Variants in ZNG1A observed in about 807,000 individuals in gnomAD.
ZNG1A encodes Zn regulated GTPase metalloprotein activator 1A.
the ZNG1A span, chr9:177,594 C>T: frequency 6.6e-7 from 1 of 1,518,394 alleles, no homozygotes; most frequent in Non-Finnish European, 8.9e-7. Flanking sequence ...GCCAAAAGAA[C>T]AGCGTTTCAA....
the ZNG1A span, among the ~76,000 whole-genome samples, chr9:127,878 G>A: frequency 6.6e-6 from 1 of 152,230 alleles, no homozygotes; most frequent in Non-Finnish European, 1.5e-5. Flanking sequence ...TAGCATTCTT[G>A]CACTGGTGGC....
At chr9:165,429 C>T in the ZNG1A span, among the ~76,000 whole-genome samples, 1 of 141,896 alleles carries the variant, frequency 7.0e-6, no homozygotes, top group Non-Finnish European at 1.5e-5. Flanking sequence ...TGGTATTTAT[C>T]TTTGATATAA....
At chr9:176,694 G>A in the ZNG1A span, among the ~76,000 whole-genome samples, 2 of 152,050 alleles carry the variant, frequency 1.3e-5, no homozygotes. Context: ...TTAGGGCAAT[G>A]AGGAAAATCT....
At chr9:150,337 A>G in the ZNG1A span, 1 of 699,962 alleles carries the variant, frequency 1.4e-6, no homozygotes, top group Non-Finnish European at 1.8e-6. Context: ...AGTGTTAGCC[A>G]GGATGGTCTC....
chr9:159,511 A>G, the ZNG1A span, among the ~76,000 whole-genome samples: 5 of 152,212 alleles, frequency 3.3e-5, no homozygotes, highest in East Asian at 9.6e-4. Flanking sequence ...AATGTAATTC[A>G]CACATTGTAT....
chr9:130,028 AAAT>A, the ZNG1A span, among the ~76,000 whole-genome samples: 3,462 of 151,246 alleles, frequency 0.023, 294 homozygotes, highest in African/African-American at 0.076. Context: ...CAGTGTATGG[AAAT>A]AATAACGCAA....
At chr9:176,117 C>A in the ZNG1A span, among the ~76,000 whole-genome samples, 1 of 144,414 alleles carries the variant, frequency 6.9e-6, no homozygotes, top group Non-Finnish European at 1.5e-5. Flanking sequence ...TTCAGGCTGA[C>A]TATATGGCTA....
At chr9:150,116 G>GTTTTTTTTTTTTTTTT in the ZNG1A span, 3 of 101,388 alleles carry the variant, frequency 3.0e-5, 1 homozygote, top group Non-Finnish European at 1.9e-5. Context: ...CAAATCTCCG[G>GTTTTTTTTTTTTTTTT]TTTTGTTTTT....
the ZNG1A span, chr9:153,628 C>T: frequency 6.6e-6 from 1 of 152,002 alleles, no homozygotes; most frequent in African/African-American, 2.4e-5. Flanking sequence ...CTACCCTCCA[C>T]GTGGAGACAT....
chr9:151,428 C>T, the ZNG1A span: 1 of 949,272 alleles, frequency 1.1e-6, no homozygotes, highest in Non-Finnish European at 1.2e-6. Flanking sequence ...GCTGCTGAGC[C>T]TTTCTCACCA....
chr9:144,418 C>G, the ZNG1A span, among the ~76,000 whole-genome samples: 603 of 150,876 alleles, frequency 4.0e-3, 12 homozygotes, highest in African/African-American at 0.014. Flanking sequence ...TGATCTTTGA[C>G]AAACCTGAGA....
chr9:160,518 G>C, the ZNG1A span, among the ~76,000 whole-genome samples: 2 of 151,606 alleles, frequency 1.3e-5, no homozygotes, highest in African/African-American at 4.9e-5. Context: ...TAGGTATATT[G>C]ATTTAATAAT....
chr9:178,582 G>A, the ZNG1A span, among the ~76,000 whole-genome samples: 2 of 110,110 alleles, frequency 1.8e-5, no homozygotes, highest in African/African-American at 5.5e-5. Context: ...TTGCTTCAAA[G>A]GCTAACTTTC....
the ZNG1A span, chr9:159,978 C>A: frequency 2.5e-6 from 1 of 407,570 alleles, no homozygotes. Context: ...ACAGACGAAC[C>A]AAGAAGAAAC....
the ZNG1A span, among the ~76,000 whole-genome samples, chr9:135,224 TA>T: frequency 6.6e-6 from 1 of 150,896 alleles, no homozygotes; most frequent in Non-Finnish European, 1.5e-5. Flanking sequence ...AAAATTTCTT[TA>T]AAAAAAACCA....
At chr9:142,690 A>T in the ZNG1A span, among the ~76,000 whole-genome samples, 27,926 of 124,712 alleles carry the variant, frequency 0.22, 3,512 homozygotes, top group East Asian at 0.38. Flanking sequence ...AATAACTAAA[A>T]TCAGAGCAGA....
chr9:154,698 T>C, the ZNG1A span: 3 of 1,588,030 alleles, frequency 1.9e-6, no homozygotes, highest in East Asian at 2.2e-5. Flanking sequence ...AACACACTTA[T>C]CATTTCGTAC....
the ZNG1A span, among the ~76,000 whole-genome samples, chr9:135,224 T>TA: frequency 4.8e-3 from 727 of 151,010 alleles, 6 homozygotes; most frequent in African/African-American, 0.017. Flanking sequence ...AAAATTTCTT[T>TA]AAAAAAAACC....
At chr9:154,350 G>T in the ZNG1A span, 1 of 384,298 alleles carries the variant, frequency 2.6e-6, no homozygotes, top group Non-Finnish European at 4.6e-6. Context: ...TACATTACGA[G>T]TAAAGACAGG....
Sources: gnomAD v4.1 joint callset for allele counts (sites outside exome capture counted in the v4.1 genomes callset) on GRCh38, gnomAD v4.1.1 for gene constraint, MANE v1.5 for transcripts, NCBI Gene and HGNC (gene_info 2026-07-23, HGNC 2026-07-21) for gene names.